Variants in PALM2AKAP2 observed in about 807,000 individuals in gnomAD.
PALM2AKAP2 encodes PALM2-AKAP2 fusion protein.
Under a neutral mutation model 71.5 loss-of-function variants are expected in PALM2AKAP2, and 37 were observed. The observed-to-expected ratio is 0.52, with a 90% CI of 0.40 to 0.68. The LOEUF is 0.68. PALM2AKAP2 is among the 30% of genes least tolerant of loss of function. The pLI is 0.00. For missense variants in PALM2AKAP2, 1,224 were observed against 1,191.8 expected, an observed-to-expected ratio of 1.03 and a Z score of -0.40; for synonymous variants, 468 against 478.8, an observed-to-expected ratio of 0.98 and a Z score of 0.29.
chr9:110,064,748 C>T (rs1834039117), intron 1 of PALM2AKAP2, among the ~76,000 whole-genome samples: 1 of 152,176 alleles, frequency 6.6e-6, no homozygotes, highest in African/African-American at 2.4e-5. Flanking sequence ...TTGATGTGGA[C>T]TTGGCACATT....
intron 6 of PALM2AKAP2, among the ~76,000 whole-genome samples, chr9:109,969,933 C>CA (rs2132149283): frequency 6.6e-6 from 1 of 152,300 alleles, no homozygotes; most frequent in Non-Finnish European, 1.5e-5. Flanking sequence ...GCCCATTGAC[C>CA]AAAAGTAGCC....
At chr9:109,699,416 T>G (rs181868589) in intron 1 of PALM2AKAP2, among the ~76,000 whole-genome samples, 1 of 152,350 alleles carries the variant, frequency 6.6e-6, no homozygotes, top group South Asian at 2.1e-4. Flanking sequence ...TAATCAGAGA[T>G]GTAAATAAAG....
At chr9:110,049,254 C>A (rs1833662006) in intron 1 of PALM2AKAP2, among the ~76,000 whole-genome samples, 2 of 152,204 alleles carry the variant, frequency 1.3e-5, no homozygotes, top group South Asian at 4.1e-4. Flanking sequence ...CCCGGGAGCA[C>A]CGGGAGGTGC....
chr9:109,914,151 C>T (rs1217153011), intron 3 of PALM2AKAP2, among the ~76,000 whole-genome samples: 1 of 152,198 alleles, frequency 6.6e-6, no homozygotes, highest in Non-Finnish European at 1.5e-5. Flanking sequence ...TGGCTGTGCC[C>T]TGTGAATTCC....
chr9:109,933,662 A>G (rs141210418), intron 6 of PALM2AKAP2, among the ~76,000 whole-genome samples: 3 of 152,374 alleles, frequency 2.0e-5, no homozygotes, highest in East Asian at 1.9e-4. Context: ...CCTGCAAAAC[A>G]TGATTTTAAA....
intron 1 of PALM2AKAP2, among the ~76,000 whole-genome samples, chr9:110,088,422 C>G (rs10465126): frequency 6.6e-6 from 1 of 151,874 alleles, no homozygotes; most frequent in Non-Finnish European, 1.5e-5. Context: ...CCAAGGCCAA[C>G]CTGATTGGTT....
chr9:110,048,503 C>T, upstream of PALM2AKAP2: 1 of 556,780 alleles, frequency 1.8e-6, no homozygotes, highest in Non-Finnish European at 3.1e-6. Context: ...TTCATTTCTT[C>T]GTTTGTGCAT....
At chr9:109,934,329 A>G (rs920053061) in intron 6 of PALM2AKAP2, among the ~76,000 whole-genome samples, 2 of 152,078 alleles carry the variant, frequency 1.3e-5, no homozygotes, top group Non-Finnish European at 2.9e-5. Context: ...GTCTGCCTTC[A>G]TCATCCACCC....
At chr9:109,665,899 G>C (rs927076926) in intron 1 of PALM2AKAP2, among the ~76,000 whole-genome samples, 1 of 152,182 alleles carries the variant, frequency 6.6e-6, no homozygotes, top group Non-Finnish European at 1.5e-5. Flanking sequence ...CAGCAATGGC[G>C]GATGCCCCTC....
chr9:109,926,983 A>G (rs1218984355), intron 5 of PALM2AKAP2, among the ~76,000 whole-genome samples: 1 of 152,188 alleles, frequency 6.6e-6, no homozygotes, highest in Non-Finnish European at 1.5e-5. Flanking sequence ...CATAACTGAA[A>G]AGAGCCTGCA....
intron 3 of PALM2AKAP2, among the ~76,000 whole-genome samples, chr9:109,900,685 A>G (rs879470795): frequency 3.9e-5 from 6 of 152,214 alleles, no homozygotes; most frequent in Non-Finnish European, 7.3e-5. Context: ...TCTACCCAAT[A>G]ATAATGGGAG....
chr9:109,859,772 T>C (rs1427399357), intron 1 of PALM2AKAP2, among the ~76,000 whole-genome samples: 1 of 152,338 alleles, frequency 6.6e-6, no homozygotes, highest in East Asian at 1.9e-4. Flanking sequence ...GTTAAATGGG[T>C]ACATGGCTAG....
intron 1 of PALM2AKAP2, among the ~76,000 whole-genome samples, chr9:109,657,463 T>C (rs2132238279): frequency 6.6e-6 from 1 of 151,834 alleles, no homozygotes; most frequent in South Asian, 2.1e-4. Context: ...TGTGTGTGTG[T>C]GTGTGTGTGT....
In PALM2AKAP2 at chr9:110,135,164, A is replaced by AAAAAAAAAAATATATAT; in HGVS notation, c.157-962_157-961insAAAAAAAAATATATATA. ...AACTCTGTCTCTACAAAAAAAAAAA[A>AAAAAAAAAAATATATAT]ATATATAAATATATATATATATATA... On this transcript the variant is annotated intron_variant, in intron 1 of 3. Transcript: ENST00000374525. Among the ~76,000 whole-genome samples, 35 of 51,694 alleles carry AAAAAAAAAAATATATAT rather than the reference A, an allele frequency of 6.8e-4. 1 individual carries two copies. The highest frequency in any genetic ancestry group is 1.7e-3 in the African/African-American group (23 of 13,610). 33.9% of individuals were successfully genotyped at this position (51,694 alleles called of 152,430 possible).
intron 1 of PALM2AKAP2, among the ~76,000 whole-genome samples, chr9:109,658,275 TTTG>T (rs149674803): frequency 0.021 from 3,206 of 152,150 alleles, 129 homozygotes; most frequent in African/African-American, 0.074. Context: ...ATGATATCAC[TTTG>T]GTATTGAGTG....
intron 1 of PALM2AKAP2, among the ~76,000 whole-genome samples, chr9:109,751,286 C>T (rs1252771568): frequency 6.6e-6 from 1 of 152,146 alleles, no homozygotes; most frequent in Non-Finnish European, 1.5e-5. Context: ...AATGTGCATT[C>T]GTTCTTGAAA....
intron 1 of PALM2AKAP2, chr9:110,128,121 C>T (rs1200972543): frequency 1.3e-5 from 2 of 152,248 alleles, no homozygotes; most frequent in Admixed American, 1.3e-4. Flanking sequence ...CCTGGTTTGT[C>T]CAAAGCTGAT....
At chr9:110,115,913 G>A (rs1483779564) in intron 1 of PALM2AKAP2, among the ~76,000 whole-genome samples, 4 of 152,264 alleles carry the variant, frequency 2.6e-5, no homozygotes, top group Middle Eastern at 3.4e-3. Flanking sequence ...TGATTTCATC[G>A]AAAAAGCATC....
chr9:110,168,000 T>C (rs1836777234), intron 3 of PALM2AKAP2, among the ~76,000 whole-genome samples: 2 of 152,204 alleles, frequency 1.3e-5, no homozygotes, highest in Admixed American at 1.3e-4. Context: ...CACGTATGGC[T>C]AGTGGCTACC....
Sources: allele counts gnomAD v4.1 joint callset (sites outside exome capture counted in the v4.1 genomes callset), GRCh38; gene constraint gnomAD v4.1.1; transcripts MANE v1.5; gene names NCBI Gene and HGNC (gene_info 2026-07-23, HGNC 2026-07-21).